MKX: variants seen among roughly 807,000 people sequenced by gnomAD.
MKX encodes the protein homeobox protein Mohawk.
A neutral mutation model predicts 36.0 loss-of-function variants in MKX; 13 were observed. The observed-to-expected ratio is 0.36, with a 90% CI of 0.24 to 0.57. The LOEUF (loss-of-function observed/expected upper bound fraction) is 0.57. MKX is among the 20% of genes least tolerant of loss of function. The pLI, the probability that MKX is intolerant of heterozygous loss-of-function variation, is 0.79. For synonymous variants in MKX, 176 were observed against 178.3 expected (o/e 0.99, Z 0.10); for missense variants, 458 against 456.4 (o/e 1.00, Z -0.03).
chr10:27,696,140 A>G (rs11015949), intron 5 of MKX, among the ~76,000 whole-genome samples: 15,061 of 152,196 alleles, frequency 0.099, 1,884 homozygotes, highest in African/African-American at 0.27. Flanking sequence ...GTTACACTGG[A>G]AAGATAATAG....
intron 5 of MKX, among the ~76,000 whole-genome samples, chr10:27,687,251 G>A (rs1033031564): frequency 1.2e-4 from 18 of 152,056 alleles, no homozygotes; most frequent in African/African-American, 3.9e-4. Flanking sequence ...TGATCCACCC[G>A]CCTCGCCCTC....
chr10:27,741,339 G>A lies in MKX; in HGVS notation c.348+6C>T. On this transcript the variant is annotated splice_donor_region_variant and intron_variant, in intron 3 of 6. Transcript: ENST00000419761. This position sits in a 1 kb window ranked among gnomAD's most constrained non-coding sequence, Gnocchi z 5.1. ...ACGGATCAGGGTGTTAATGGGTCCTGATTACCTGCACTAGCGTCATCTGCG... is the reference window on the plus strand; with the variant it reads ...ACGGATCAGGGTGTTAATGGGTCCTAATTACCTGCACTAGCGTCATCTGCG... 1 of 1,612,368 alleles carries A rather than the reference G, an allele frequency of 6.2e-7. No individual in the cohort carries two copies. Among genetic ancestry groups the A allele is most frequent in the East Asian group, 2.2e-5 (1 of 44,754 alleles).
intron 5 of MKX, among the ~76,000 whole-genome samples, chr10:27,682,245 A>G (rs1216109875): frequency 6.6e-6 from 1 of 152,236 alleles, no homozygotes; most frequent in Non-Finnish European, 1.5e-5. Flanking sequence ...ACAGCTGTCC[A>G]ATGTGTTTGT....
chr10:27,713,143 C>T (rs1836902258), intron 5 of MKX, among the ~76,000 whole-genome samples: 1 of 152,176 alleles, frequency 6.6e-6, no homozygotes, highest in Non-Finnish European at 1.5e-5. Flanking sequence ...CAACACGACC[C>T]AAGCACCAAA....
chr10:27,735,551 C>G (rs1000278003), intron 3 of MKX, among the ~76,000 whole-genome samples, 177 bp from the exon 4 acceptor site: 1 of 152,124 alleles, frequency 6.6e-6, no homozygotes, highest in Non-Finnish European at 1.5e-5. Flanking sequence ...TTGCTTACTA[C>G]AGACACTGAG....
chr10:27,690,264 A>G (rs1337084839), intron 5 of MKX, among the ~76,000 whole-genome samples: 6 of 131,056 alleles, frequency 4.6e-5, no homozygotes, highest in Middle Eastern at 3.6e-3. Context: ...CCAGCTACTC[A>G]GGAGGCTGAG....
At chr10:27,735,518 C>T in intron 3 of MKX, 144 bp from the exon 4 acceptor site, 1 of 589,338 alleles carries the variant, frequency 1.7e-6, no homozygotes, top group Non-Finnish European at 2.8e-6. Flanking sequence ...CATTCGCATC[C>T]ATTCATTCAT....
chr10:27,689,248 G>C (rs1486300168), intron 5 of MKX, among the ~76,000 whole-genome samples: 1 of 152,152 alleles, frequency 6.6e-6, no homozygotes. Flanking sequence ...CTCTTCACAA[G>C]AGCGGCAAAC....
intron 1 of MKX, 139 bp from the exon 2 acceptor site, chr10:27,743,636 C>T (rs1834973657): frequency 3.8e-6 from 2 of 527,154 alleles, no homozygotes; most frequent in African/African-American, 4.1e-5. Context: ...GGCAGGGACC[C>T]TGCGGCTCTC....
intron 5 of MKX, among the ~76,000 whole-genome samples, chr10:27,696,015 C>T (rs532433391): frequency 5.3e-5 from 8 of 152,238 alleles, no homozygotes; most frequent in Admixed American, 1.3e-4. Context: ...ATTCCTAAAG[C>T]GGCTTTCTTG....
chr10:27,684,400 T>C (rs569858922), intron 5 of MKX, among the ~76,000 whole-genome samples: 27 of 152,180 alleles, frequency 1.8e-4, no homozygotes, highest in African/African-American at 6.3e-4. Context: ...AATAAGAAAG[T>C]AATACAGCTT....
At chr10:27,735,513 G>A (rs921536535) in intron 3 of MKX, 139 bp from the exon 4 acceptor site, 15 of 596,576 alleles carry the variant, frequency 2.5e-5, no homozygotes, top group South Asian at 7.9e-5. Context: ...CCGGACATTC[G>A]CATCCATTCA....
chr10:27,711,752 C>CTT (rs78057670), intron 5 of MKX, among the ~76,000 whole-genome samples: 3,989 of 138,710 alleles, frequency 0.029, 184 homozygotes, highest in East Asian at 0.19. Context: ...TTTTAAAACT[C>CTT]TTTTTTTTTT....
chr10:27,689,312 C>T (rs1180604717), intron 5 of MKX, among the ~76,000 whole-genome samples: 1 of 152,148 alleles, frequency 6.6e-6, no homozygotes, highest in Non-Finnish European at 1.5e-5. Context: ...GAAAAAACCC[C>T]CACATTTTAG....
chr10:27,696,346 A>G (rs11015952), intron 5 of MKX, among the ~76,000 whole-genome samples: 15,051 of 152,228 alleles, frequency 0.099, 1,875 homozygotes, highest in African/African-American at 0.27. Context: ...ACCCAATAAC[A>G]TTCAATGAGC....
intron 5 of MKX, among the ~76,000 whole-genome samples, chr10:27,693,089 T>C (rs1836484004): frequency 6.6e-6 from 1 of 152,158 alleles, no homozygotes; most frequent in Admixed American, 6.5e-5. Context: ...TCTGGAACCA[T>C]AGGGCTGAAG....
chr10:27,729,887 C>G (rs1228532478), intron 5 of MKX, among the ~76,000 whole-genome samples: 3 of 152,014 alleles, frequency 2.0e-5, no homozygotes, highest in Non-Finnish European at 4.4e-5. Context: ...TCTGGAGAAT[C>G]TGAGCCCTGG....
rs1451386828 is a variant in MKX, at chr10:27,673,113, A to G, written c.*2116T>C. 6.6e-6 allele frequency: 1 copy of G among 152,186 alleles called. No homozygotes were observed. Among genetic ancestry groups the G allele is most frequent in the African/African-American group, 2.4e-5 (1 of 41,448 alleles). 9.4% of individuals were successfully genotyped at this position (152,186 alleles called of 1,614,324 possible). On this transcript the variant is annotated 3_prime_UTR_variant, in exon 7 of 7. Transcript: ENST00000419761. ...AGCAGCAAAAGAAAAAATAAATTAA[A>G]AAGTCATTGCAATTGGAGATATTAC...
chr10:27,695,165 T>G (rs1289860475), intron 5 of MKX, among the ~76,000 whole-genome samples: 2 of 152,120 alleles, frequency 1.3e-5, no homozygotes, highest in Admixed American at 6.5e-5. Flanking sequence ...CCCTCCCAGT[T>G]AATGGCCAGC....
Sources: allele counts gnomAD v4.1 joint callset (sites outside exome capture counted in the v4.1 genomes callset), GRCh38; gene constraint gnomAD v4.1.1; non-coding constraint Gnocchi (gnomAD v3.1); transcripts MANE v1.5; gene names NCBI Gene and HGNC (gene_info 2026-07-23, HGNC 2026-07-21).